NFKB1: variants seen among roughly 807,000 people sequenced by gnomAD.
The protein encoded by NFKB1 is nuclear factor NF-kappa-B p105 subunit.
Under a neutral mutation model 105.1 loss-of-function variants are expected in NFKB1, and 9 were observed. That is an observed-to-expected ratio of 0.09 (90% CI 0.05 to 0.15). The LOEUF is 0.15. Among genes scored for constraint, NFKB1 ranks in the 10% least tolerant of loss-of-function variants. The pLI is 1.00. For missense variants in NFKB1, 830 were observed against 1,203.7 expected (o/e 0.69, Z 4.59); for synonymous variants, 440 against 442.2 (o/e 1.00, Z 0.06).
intron 22 of NFKB1, 119 bp from the exon 23 acceptor site, chr4:102,613,306 C>G (rs1728607564): frequency 2.0e-6 from 2 of 1,022,136 alleles, no homozygotes; most frequent in East Asian, 5.0e-5. Flanking sequence ...TTTCCATTTC[C>G]TCCTGGCTCC....
At chr4:102,509,306 A>G (rs903596008) in intron 1 of NFKB1, among the ~76,000 whole-genome samples, 1 of 152,202 alleles carries the variant, frequency 6.6e-6, no homozygotes, top group African/African-American at 2.4e-5. Flanking sequence ...AATATTTCCT[A>G]TTTTAAACCA....
rs1271016127 is a variant in NFKB1, at chr4:102,593,534, C to T, written c.1176C>T (p.Gly392=). 5.0e-6 allele frequency: 8 copies of T among 1,613,080 alleles called. No homozygotes were observed. The highest frequency in any genetic ancestry group is 1.6e-4 in the Middle Eastern group (1 of 6,064). Residue 392 remains glycine (G), a synonymous_variant, in exon 12 of 24, where the codon GGC becomes GGT. Transcript: ENST00000226574. ...GAGGCGGAGGCATGTTTGGTAGTGG[C>T]GGTGGAGGAGGGGGCACTGGAAGTA... ...GAGGGGMFGS[G]GGGGGTGSTG...
At chr4:102,563,839 T>TTTA (rs562663405) in intron 5 of NFKB1, among the ~76,000 whole-genome samples, 3,092 of 148,684 alleles carry the variant, frequency 0.021, 61 homozygotes, top group African/African-American at 0.053. Context: ...TTTTTTTTTT[T>TTTA]AAACGGAGTC....
intron 3 of NFKB1, among the ~76,000 whole-genome samples, chr4:102,531,546 C>G (rs1741292072): frequency 6.6e-6 from 1 of 152,034 alleles, no homozygotes; most frequent in Non-Finnish European, 1.5e-5. Flanking sequence ...TTTAGTAGAT[C>G]TAGTACTTGT....
chr4:102,567,089 G>A lies in NFKB1; in HGVS notation c.361G>A (p.Asp121Asn), dbSNP rs754689167. ...AHSLVGKHCE[D>N]GICTVTAGPK... is the part of the protein sequence containing the mutation. ...CAGCCTGGTGGGAAAACACTGTGAG[G>A]ATGGGATCTGCACTGTAACTGCTGG... is the stretch of plus-strand genomic sequence containing the variant. The change falls in exon 6 of 24, where the codon GAT becomes AAT. Residue 121 changes from aspartate (D) to asparagine (N), a missense_variant. This residue lies in a region of NFKB1 where 64 missense variants were observed against 79.9 expected (regional missense o/e 0.80). Coordinates refer to ENST00000226574, the MANE Select transcript of NFKB1 (RefSeq NM_003998.4). The A allele has an allele frequency of 1.2e-6, 2 of 1,614,000 alleles. No individual in the cohort carries two copies. The highest frequency in any genetic ancestry group is 2.2e-5 in the South Asian group (2 of 91,080).
At chr4:102,543,137 G>A (rs563839747) in intron 5 of NFKB1, among the ~76,000 whole-genome samples, 2 of 152,244 alleles carry the variant, frequency 1.3e-5, no homozygotes, top group East Asian at 3.9e-4. Context: ...GCCAGGGAAG[G>A]CTCACTTCCC....
In NFKB1 at chr4:102,582,480, A is replaced by C. The variant is rs183006756; in HGVS notation, c.836-386A>C. On this transcript the variant is annotated intron_variant, in intron 9 of 23. Coordinates refer to ENST00000226574, the MANE Select transcript of NFKB1 (RefSeq NM_003998.4). ...CTGCCATACATTAATAGTAAAACTT[A>C]TATAAGTTAATTATTTTTATGTACA... Among the ~76,000 whole-genome samples, 482 of 152,338 alleles carry C rather than the reference A, an allele frequency of 3.2e-3. 3 individuals carry two copies. The highest frequency in any genetic ancestry group is 0.011 in the African/African-American group (445 of 41,586).
chr4:102,505,739 A>G (rs1739378091), intron 1 of NFKB1, among the ~76,000 whole-genome samples: 1 of 152,182 alleles, frequency 6.6e-6, no homozygotes, highest in Non-Finnish European at 1.5e-5. Context: ...AGAATCAAAT[A>G]CTCTAGTTTA....
intron 5 of NFKB1, among the ~76,000 whole-genome samples, chr4:102,538,259 A>G (rs2149128251): frequency 6.6e-6 from 1 of 152,334 alleles, no homozygotes; most frequent in East Asian, 1.9e-4. Flanking sequence ...TAAGTCTTTG[A>G]AAGAAATGGT....
In NFKB1 at chr4:102,593,580, C is replaced by T. The variant is rs4648049; in HGVS notation, c.1210+12C>T. ...AAGTACAGGTCCAGGTACAAAAATA[C>T]TTATTCTTCCTAAAACTTTTTCATA... On this transcript the variant is annotated intron_variant, in intron 12 of 23. Coordinates refer to ENST00000226574, the MANE Select transcript of NFKB1 (RefSeq NM_003998.4). 74,966 of 1,603,918 alleles carry T rather than the reference C, an allele frequency of 0.047. 2,046 individuals are homozygous for T. The highest frequency in any genetic ancestry group is 0.12 in the African/African-American group (8,947 of 74,124).
chr4:102,554,094 T>C (rs1450007557), intron 5 of NFKB1, among the ~76,000 whole-genome samples: 2 of 152,158 alleles, frequency 1.3e-5, no homozygotes, highest in African/African-American at 4.8e-5. Flanking sequence ...CTAGGAATCA[T>C]AGAATTTTAG....
At chr4:102,569,468 G>T (rs1023403800) in intron 6 of NFKB1, among the ~76,000 whole-genome samples, 1 of 152,092 alleles carries the variant, frequency 6.6e-6, no homozygotes, top group Non-Finnish European at 1.5e-5. Context: ...TTAGTATTTA[G>T]TTCTGACTTG....
At chr4:102,609,360 C>A (rs946069771) in intron 19 of NFKB1, among the ~76,000 whole-genome samples, 3 of 151,808 alleles carry the variant, frequency 2.0e-5, no homozygotes, top group South Asian at 4.2e-4. Context: ...ACCTGTAATC[C>A]CAGCACTTTG....
chr4:102,507,212 C>T (rs2149094740), intron 1 of NFKB1, among the ~76,000 whole-genome samples: 1 of 151,998 alleles, frequency 6.6e-6, no homozygotes, highest in South Asian at 2.1e-4. Flanking sequence ...ATAAAATAAT[C>T]CAGGCACTCT....
At chr4:102,507,348 T>C (rs1157536878) in intron 1 of NFKB1, among the ~76,000 whole-genome samples, 1 of 152,224 alleles carries the variant, frequency 6.6e-6, no homozygotes, top group Non-Finnish European at 1.5e-5. Flanking sequence ...GCTCTAACTT[T>C]GTTATAATCC....
intron 5 of NFKB1, among the ~76,000 whole-genome samples, chr4:102,564,957 T>C (rs1723737465): frequency 6.6e-6 from 1 of 152,224 alleles, no homozygotes; most frequent in South Asian, 2.1e-4. Flanking sequence ...TAACAAAGAC[T>C]GATTTCAGAT....
At chr4:102,607,873 A>T in intron 19 of NFKB1, 122 bp downstream of exon 19, 1 of 790,950 alleles carries the variant, frequency 1.3e-6, no homozygotes, top group Non-Finnish European at 2.2e-6. Context: ...ACAAGGGTAA[A>T]TAAAAATTAT....
At chr4:102,578,808 G>A in intron 7 of NFKB1, 73 bp from the exon 8 acceptor site, 1 of 1,487,376 alleles carries the variant, frequency 6.7e-7, no homozygotes, top group Non-Finnish European at 9.2e-7. Flanking sequence ...CATTATTTGG[G>A]CTTTATAAAA....
intron 5 of NFKB1, among the ~76,000 whole-genome samples, chr4:102,554,749 C>T (rs1334137372): frequency 6.6e-6 from 1 of 152,114 alleles, no homozygotes; most frequent in Non-Finnish European, 1.5e-5. Flanking sequence ...TGAGATCACA[C>T]AGGGCCAGCA....
Sources: gnomAD v4.1 joint callset for allele counts (sites outside exome capture counted in the v4.1 genomes callset) on GRCh38, gnomAD v4.1.1 for gene constraint, gnomAD v4.1.1 regional missense constraint, MANE v1.5 for transcripts, NCBI Gene and HGNC (gene_info 2026-07-23, HGNC 2026-07-21) for gene names.